The following RBM41 variants were observed in gnomAD, a reference collection of about 807,000 sequenced individuals.
RBM41 encodes the protein RNA binding motif protein 41.
A neutral mutation model predicts 30.8 loss-of-function variants in RBM41; 14 were observed. The observed-to-expected ratio is 0.45, with a 90% confidence interval of 0.30 to 0.71. RBM41 has a LOEUF of 0.71. RBM41 is among the 30% of genes least tolerant of loss of function. RBM41 has a pLI of 0.08. For missense variants in RBM41, 276 were observed against 326.3 expected (o/e 0.85, Z 1.19); for synonymous variants, 120 against 110.1 (o/e 1.09, Z -0.56).
At chrX:107,073,863 G>A (rs1393682636) in intron 6 of RBM41, among the ~76,000 whole-genome samples, 4 of 111,640 alleles carry the variant, frequency 3.6e-5, no homozygotes, top group Non-Finnish European at 5.6e-5. Flanking sequence ...AAATAAACCA[G>A]GCACAGAAAG....
chrX:107,058,898 T>TC (rs1370961029), downstream of RBM41, among the ~76,000 whole-genome samples: 1 of 111,130 alleles, frequency 9.0e-6, no homozygotes, highest in East Asian at 2.8e-4. Flanking sequence ...CTCTTGGGTC[T>TC]CTTTTTTTTG....
chrX:107,100,577 C>T (rs759521831), intron 5 of RBM41, among the ~76,000 whole-genome samples: 1 of 111,114 alleles, frequency 9.0e-6, no homozygotes, highest in South Asian at 3.8e-4. Context: ...CAAGTAAATA[C>T]TCATCAGATT....
At chrX:107,089,078 C>T (rs746024796) in intron 5 of RBM41, among the ~76,000 whole-genome samples, 1 of 111,479 alleles carries the variant, frequency 9.0e-6, no homozygotes, top group East Asian at 2.8e-4. Context: ...AATATATGCA[C>T]CTCTAATTGA....
rs193001417 is a variant in RBM41, at chrX:107,115,110, T to G, written c.523+242A>C. On this transcript the variant is annotated intron_variant, in intron 4 of 7. Coordinates refer to ENST00000685964, the MANE Select transcript of RBM41 (RefSeq NM_001324242.2). ...CAACTTCTGACTCCCCCAACTAGAC[T>G]TAGATGCTCTGTGTTCTGCACTACC... 405 of 380,893 alleles carry G rather than the reference T, an allele frequency of 1.1e-3. 2 individuals are homozygous for G. Among genetic ancestry groups the G allele is most frequent in the African/African-American group, 9.5e-3 (375 of 39,551 alleles). The allele number at this position is 380,893 out of a possible 1,213,427, so 31.4% of individuals were successfully genotyped here.
At chrX:107,109,077 C>T (rs1264362795) in intron 5 of RBM41, among the ~76,000 whole-genome samples, 1 of 110,751 alleles carries the variant, frequency 9.0e-6, no homozygotes, top group African/African-American at 3.3e-5. Flanking sequence ...CCAGAGCAAC[C>T]ACTAACACAC....
At chrX:107,053,948 T>C in the RBM41 span, among the ~76,000 whole-genome samples, 3 of 111,017 alleles carry the variant, frequency 2.7e-5, no homozygotes, top group African/African-American at 9.8e-5. Context: ...GTGTGGGCAG[T>C]GAAGGTGGAG....
chrX:107,116,137 A>C, intron 2 of RBM41, 83 bp from the exon 3 acceptor site: 1 of 999,182 alleles, frequency 1.0e-6, no homozygotes, highest in Non-Finnish European at 1.3e-6. Flanking sequence ...TGTAAGAGGT[A>C]CAATGAAACT....
chrX:107,075,213 T>A (rs1372690253), intron 6 of RBM41, among the ~76,000 whole-genome samples: 1 of 112,090 alleles, frequency 8.9e-6, no homozygotes, highest in East Asian at 2.8e-4. Context: ...ACATGCTAAA[T>A]AATGAAATTG....
At chrX:107,054,230 A>G in the RBM41 span, among the ~76,000 whole-genome samples, 1 of 111,538 alleles carries the variant, frequency 9.0e-6, no homozygotes, top group Non-Finnish European at 1.9e-5. Context: ...GATTCCACAC[A>G]GTAAGATCTC....
chrX:107,065,600 AAAG>A lies in RBM41; in HGVS notation c.*1924_*1926del. 4.6e-6 allele frequency: 2 copies of A among 435,827 alleles called. No individual in the cohort carries two copies. The highest frequency in any genetic ancestry group is 7.1e-6 in the Non-Finnish European group (2 of 282,334). The allele number at this position is 435,827 out of a possible 1,213,427, so 35.9% of individuals were successfully genotyped here. A position where few individuals can be genotyped will look rare whatever the true frequency, so the allele number is the denominator to read the frequency against. On this transcript the variant is annotated 3_prime_UTR_variant, in exon 8 of 8. Transcript: ENST00000685964. ...TACTTAATATAATTTTACATCTTTA[AAAG>A]AAGCTGAGAGAAGAGTAAGTATATG...
Position 107,091,373 on chromosome X carries a change from A to C in RBM41, c.596-2534T>G, listed in dbSNP as rs181172469. Among the ~76,000 whole-genome samples, 6 of 112,192 alleles carry C rather than the reference A, an allele frequency of 5.3e-5. No homozygotes were observed. The East Asian group carries it at 1.7e-3, about 31-fold the overall frequency. On this transcript the variant is annotated intron_variant, in intron 5 of 7. Transcript: ENST00000685964. Reference sequence around the variant, plus strand: ...CCCTTAGAATATGGGTCCCATTGGAAATATACAAATGTTTTAAAGTCACTA... The same window carrying C: ...CCCTTAGAATATGGGTCCCATTGGACATATACAAATGTTTTAAAGTCACTA...
intron 4 of RBM41, chrX:107,114,931 C>T: frequency 8.0e-6 from 1 of 125,773 alleles, no homozygotes; most frequent in Admixed American, 8.3e-5. Flanking sequence ...CATTCCCTGC[C>T]ACTTCTTCTA....
chrX:107,079,961 C>A (rs890762123), intron 6 of RBM41, among the ~76,000 whole-genome samples: 1 of 111,697 alleles, frequency 9.0e-6, no homozygotes, highest in African/African-American at 3.3e-5. Context: ...ACATGCATTT[C>A]TTTTTATTGC....
In RBM41 at chrX:107,116,051, A is replaced by G; in HGVS notation, c.129T>C (p.Cys43=). The G allele has an allele frequency of 3.4e-6, 4 of 1,163,322 alleles. No individual in the cohort carries two copies. Among genetic ancestry groups the G allele is most frequent in the Non-Finnish European group, 4.6e-6 (4 of 868,839 alleles). The change falls in exon 3 of 8, where the codon TGT becomes TGC. Residue 43 remains cysteine (C), a synonymous_variant. Coordinates refer to ENST00000685964, the MANE Select transcript of RBM41 (RefSeq NM_001324242.2). ...GAGCAAAGCTCTCTTTCTTAGACAT[A>G]CATCTGCAAAACATGCAGGAGGAGA... The part of the protein sequence containing the change: ...QLDTSVSIEE[C]MSKKESFAPG...
intron 5 of RBM41, among the ~76,000 whole-genome samples, chrX:107,112,064 C>T (rs1924533089): frequency 9.0e-6 from 1 of 110,983 alleles, no homozygotes; most frequent in African/African-American, 3.3e-5. Context: ...AAAAAGTTTG[C>T]CCTGCAAAAG....
chrX:107,095,509 T>G (rs1303416463), intron 5 of RBM41, among the ~76,000 whole-genome samples: 1 of 108,866 alleles, frequency 9.2e-6, no homozygotes, highest in Non-Finnish European at 1.9e-5. Flanking sequence ...GGCAGGAGAA[T>G]CGCTTGAACC....
At chrX:107,112,032 T>C (rs751900700) in intron 5 of RBM41, among the ~76,000 whole-genome samples, 4 of 111,509 alleles carry the variant, frequency 3.6e-5, no homozygotes, top group Non-Finnish European at 5.7e-5. Flanking sequence ...TGGTAAATTT[T>C]ATGTATATTT....
At chrX:107,072,901 C>T (rs897317828) in intron 6 of RBM41, among the ~76,000 whole-genome samples, 2 of 110,694 alleles carry the variant, frequency 1.8e-5, no homozygotes, top group Non-Finnish European at 3.8e-5. Flanking sequence ...AAAAGACAGT[C>T]TCGTCAATAA....
At chrX:107,077,754 A>G (rs1921117289) in intron 6 of RBM41, among the ~76,000 whole-genome samples, 1 of 111,780 alleles carries the variant, frequency 8.9e-6, no homozygotes, top group South Asian at 3.8e-4. Context: ...TTCATGTAAT[A>G]TAGCCCTTTA....
Sources: gnomAD v4.1 joint callset for allele counts (sites outside exome capture counted in the v4.1 genomes callset) on GRCh38, gnomAD v4.1.1 for gene constraint, MANE v1.5 for transcripts, NCBI Gene and HGNC (gene_info 2026-07-23, HGNC 2026-07-21) for gene names.